The following PDE1C variants were observed in gnomAD, a reference collection of about 807,000 sequenced individuals.
The protein encoded by PDE1C is dual specificity calcium/calmodulin-dependent 3',5'-cyclic nucleotide phosphodiesterase 1C.
Under a neutral mutation model 93.1 loss-of-function variants are expected in PDE1C, and 62 were observed. The observed-to-expected ratio is 0.67, with a 90% CI of 0.54 to 0.82. The LOEUF (loss-of-function observed/expected upper bound fraction) is 0.82, where lower values mean the gene tolerates loss of function less well. Ranked by LOEUF, PDE1C falls within the 40% of genes least tolerant of loss-of-function variation. The pLI, the probability that PDE1C is intolerant of heterozygous loss-of-function variation, is 0.00. For synonymous variants in PDE1C, 325 were observed against 310.1 expected, an observed-to-expected ratio of 1.05 and a Z score of -0.50; for missense variants, 742 against 884.6, an observed-to-expected ratio of 0.84 and a Z score of 2.04.
intron 2 of PDE1C, among the ~76,000 whole-genome samples, chr7:31,988,403 C>A (rs182629992): frequency 6.6e-6 from 1 of 152,294 alleles, no homozygotes; most frequent in Non-Finnish European, 1.5e-5. Flanking sequence ...TTTACAAATC[C>A]TAACCACTCA....
rs59246166 is a variant in PDE1C, at chr7:32,005,555, C to CAAAAAAA, written c.128+45992_128+45998dup. 5.6e-3 allele frequency among the ~76,000 whole-genome samples: 285 copies of CAAAAAAA among 50,578 alleles called. 1 individual carries two copies. Among genetic ancestry groups the CAAAAAAA allele is most frequent in the African/African-American group, 0.011 (143 of 12,534 alleles). The allele number at this position is 50,578 out of a possible 152,430, so 33.2% of individuals were successfully genotyped here. ...TGGGCGACAGAGCGAGACTCCATTT[C>CAAAAAAA]AAAAAAAAAAAAAAAAAAAAAAAAA... is the stretch of plus-strand genomic sequence containing the variant. On this transcript the variant is annotated intron_variant, in intron 2 of 17. Coordinates refer to ENST00000396191, the MANE Select transcript of PDE1C (RefSeq NM_001191057.4).
At chr7:31,950,142 C>A (rs1328319360) in intron 2 of PDE1C, among the ~76,000 whole-genome samples, 1 of 152,200 alleles carries the variant, frequency 6.6e-6, no homozygotes, top group Non-Finnish European at 1.5e-5. Flanking sequence ...AGTCCTCAAG[C>A]TATCCCTCCA....
At chr7:31,667,647 A>G in the PDE1C span, among the ~76,000 whole-genome samples, 1 of 152,070 alleles carries the variant, frequency 6.6e-6, no homozygotes, top group East Asian at 1.9e-4. Context: ...ATATGAAAAA[A>G]AAAGAAATTT....
chr7:31,841,101 G>T (rs1791801640), intron 9 of PDE1C, among the ~76,000 whole-genome samples: 1 of 151,888 alleles, frequency 6.6e-6, no homozygotes, highest in Non-Finnish European at 1.5e-5. Flanking sequence ...AACATGAGCT[G>T]CATTTGTTTT....
chr7:31,775,600 C>G lies in PDE1C; in HGVS notation c.1960+64G>C, dbSNP rs891608941. The stretch of plus-strand genomic sequence containing the variant: ...GTTCTCAGTTTATCAACCCAATTCC[C>G]GAGAAACCAGGCCTTTCCATTGTCT... On this transcript the variant is annotated intron_variant, in intron 17 of 17. Transcript: ENST00000396191. The G allele has an allele frequency of 9.4e-6, 13 of 1,387,488 alleles. No homozygotes were observed. The East Asian group carries it at 3.0e-4, about 32-fold the overall frequency. 85.9% of individuals were successfully genotyped at this position (1,387,488 alleles called of 1,614,324 possible).
chr7:32,246,291 G>A (rs1808949799), intron 1 of PDE1C, among the ~76,000 whole-genome samples: 2 of 152,030 alleles, frequency 1.3e-5, no homozygotes, highest in African/African-American at 4.8e-5. Context: ...AATTTTGAGG[G>A]GCCATAAACA....
chr7:32,297,990 T>TCCC (rs1562660078), intron 1 of PDE1C, among the ~76,000 whole-genome samples: 1 of 45,586 alleles, frequency 2.2e-5, no homozygotes, highest in African/African-American at 8.2e-5. Flanking sequence ...TCTCTCTCTC[T>TCCC]CTCTCTCCTC....
intron 3 of PDE1C, among the ~76,000 whole-genome samples, chr7:32,088,623 G>T (rs7811930): frequency 6.6e-6 from 1 of 152,112 alleles, no homozygotes; most frequent in South Asian, 2.1e-4. Context: ...GATGGCGCTC[G>T]CAAGGCTGTG....
In PDE1C at chr7:31,870,614, T is replaced by G. The variant is rs377371432; in HGVS notation, c.609+2678A>C. Among the ~76,000 whole-genome samples the G allele has an allele frequency of 1.4e-4, 21 of 152,020 alleles. No homozygotes were observed. The East Asian group carries it at 3.3e-3, about 24-fold the overall frequency. On this transcript the variant is annotated intron_variant, in intron 6 of 17. Coordinates refer to ENST00000396191, the MANE Select transcript of PDE1C (RefSeq NM_001191057.4). ...AATGAGTTTGAATCAGTAATACAAA[T>G]TCTCCTGAAAAAGAGAAGTCTAGGA...
chr7:31,965,966 C>A (rs1809879785), intron 2 of PDE1C, among the ~76,000 whole-genome samples: 1 of 152,192 alleles, frequency 6.6e-6, no homozygotes. Context: ...AAGCACTAAA[C>A]ATGGAAAGGA....
At chr7:32,408,072 G>A (rs435584) in intron 1 of PDE1C, among the ~76,000 whole-genome samples, 49,186 of 152,138 alleles carry the variant, frequency 0.32, 8,260 homozygotes, top group South Asian at 0.5. Flanking sequence ...AGTATCTTTA[G>A]TAAGTAAGAA....
the PDE1C span, among the ~76,000 whole-genome samples, chr7:31,627,658 T>TAAAAAAAAA: frequency 1.4e-4 from 1 of 7,376 alleles, no homozygotes; most frequent in African/African-American, 3.9e-4. Context: ...AGACACTGTC[T>TAAAAAAAAA]CAAAAAAAAA....
chr7:31,975,478 G>C (rs1455583371), intron 2 of PDE1C, among the ~76,000 whole-genome samples: 7 of 152,118 alleles, frequency 4.6e-5, no homozygotes, highest in Admixed American at 3.9e-4. Context: ...CCAAGGATGG[G>C]AGTAACACTG....
chr7:32,311,212 G>T (rs1202380139), intron 1 of PDE1C, among the ~76,000 whole-genome samples: 1 of 152,148 alleles, frequency 6.6e-6, no homozygotes, highest in Admixed American at 6.5e-5. Flanking sequence ...GGAAGAAGTT[G>T]AATCTCTGAA....
At chr7:31,636,467 C>T in the PDE1C span, among the ~76,000 whole-genome samples, 1 of 152,162 alleles carries the variant, frequency 6.6e-6, no homozygotes, top group Non-Finnish European at 1.5e-5. Context: ...GAGAGTCCTT[C>T]AGTTTGTTGT....
chr7:32,147,272 A>AAGAAAGAAAGAAAGAAAGAAAG (rs3078680), intron 3 of PDE1C, among the ~76,000 whole-genome samples: 3 of 96,610 alleles, frequency 3.1e-5, no homozygotes, highest in East Asian at 2.7e-4. Flanking sequence ...AAGAAAGAAA[A>AAGAAAGAAAGAAAGAAAGAAAG]AAAGAAAGAA....
Position 32,098,264 on chromosome 7 carries a change from A to C in PDE1C, c.308+71521T>G, listed in dbSNP as rs564678047. On this transcript the variant is annotated intron_variant, in intron 3 of 18. Transcript: ENST00000396193. ...AAAAAAAAAGACATAAATCCACATAATTTTCACCACAACCCTGAAGCGGGT... is the reference window on the plus strand; with the variant it reads ...AAAAAAAAAGACATAAATCCACATACTTTTCACCACAACCCTGAAGCGGGT... 9.3e-5 allele frequency among the ~76,000 whole-genome samples: 14 copies of C among 149,770 alleles called. 1 individual carries two copies. The highest frequency in any genetic ancestry group is 2.0e-4 in the Admixed American group (3 of 15,070).
At chr7:32,407,392 T>C (rs1258415740) in intron 1 of PDE1C, among the ~76,000 whole-genome samples, 2 of 152,158 alleles carry the variant, frequency 1.3e-5, no homozygotes, top group African/African-American at 4.8e-5. Flanking sequence ...ATCAAAACAC[T>C]GCATGGGAGA....
At chr7:31,696,978 A>T in the PDE1C span, 6 of 1,613,984 alleles carry the variant, frequency 3.7e-6, no homozygotes, top group Admixed American at 1.0e-4. Flanking sequence ...TGTTTTCAGA[A>T]CATTTAATTA....
Sources: allele counts gnomAD v4.1 joint callset (sites outside exome capture counted in the v4.1 genomes callset), GRCh38; gene constraint gnomAD v4.1.1; transcripts MANE v1.5; gene names NCBI Gene and HGNC (gene_info 2026-07-23, HGNC 2026-07-21).